Variants in SRGAP1 observed in about 807,000 individuals in gnomAD.
SRGAP1 encodes SLIT-ROBO Rho GTPase-activating protein 1.
Under a neutral mutation model 121.9 loss-of-function variants are expected in SRGAP1, and 43 were observed. The ratio of observed to expected loss-of-function variants is 0.35; its 90% CI spans 0.28 to 0.46. The LOEUF is 0.46. SRGAP1 is among the 20% of genes least tolerant of loss of function. The pLI, the probability that SRGAP1 is intolerant of heterozygous loss-of-function variation, is 1.00. For missense variants in SRGAP1, 1,102 were observed against 1,350.9 expected, an observed-to-expected ratio of 0.82 and a Z score of 2.89; for synonymous variants, 447 against 485.4, an observed-to-expected ratio of 0.92 and a Z score of 1.04.
intron 3 of SRGAP1, among the ~76,000 whole-genome samples, chr12:63,997,518 A>T (rs1355198621): frequency 6.6e-6 from 1 of 152,118 alleles, no homozygotes; most frequent in Non-Finnish European, 1.5e-5. Flanking sequence ...AAAATCTAGA[A>T]GGGTAAATTG....
At position 64,153,203 on chromosome 12, in the gene SRGAP1, TAAAG is replaced by T. The variant is rs563713202; in HGVS notation, c.*10533_*10536del. 22 of 151,948 alleles carry T rather than the reference TAAAG, an allele frequency of 1.4e-4. No homozygotes were observed. The highest frequency in any genetic ancestry group is 6.6e-4 in the Admixed American group (10 of 15,250). The allele number at this position is 151,948 out of a possible 1,614,324, so 9.4% of individuals were successfully genotyped here. Reference sequence around the variant, plus strand: ...GAAAACAGGACCATGCTCACGTGGTTAAAGAGTCAAACACATTCACTGTGACTGT... The same window carrying T: ...GAAAACAGGACCATGCTCACGTGGTTAGTCAAACACATTCACTGTGACTGT... On this transcript the variant is annotated 3_prime_UTR_variant, in exon 22 of 22. Transcript: ENST00000355086.
At chr12:64,039,246 AC>A (rs1374289301) in intron 4 of SRGAP1, among the ~76,000 whole-genome samples, 4 of 152,228 alleles carry the variant, frequency 2.6e-5, no homozygotes, top group Admixed American at 2.6e-4. Flanking sequence ...TCCGGAAATT[AC>A]CACCGAACTA....
Position 64,111,982 on chromosome 12 carries a change from T to A in SRGAP1, c.2140T>A (p.Tyr714Asn). The change falls in exon 17 of 22, where the codon TAT becomes AAT. Residue 714 changes from tyrosine (Y) to asparagine (N), a missense_variant. This residue lies in a region of SRGAP1 where 747 missense variants were observed against 929.4 expected (regional missense o/e 0.80). Transcript: ENST00000355086. ...VYEKCMAGDD[Y>N]CDSPYSEHGT... ...TGAGAAATGTATGGCTGGAGATGAC[T>A]ATTGGTAAGTCTAAGAATTTTAGTC... 1 of 1,612,552 alleles carries A rather than the reference T, an allele frequency of 6.2e-7. No homozygotes were observed. The highest frequency in any genetic ancestry group is 8.5e-7 in the Non-Finnish European group (1 of 1,178,950).
At chr12:64,081,680 A>G (rs1437491847) in intron 10 of SRGAP1, 1 of 151,928 alleles carries the variant, frequency 6.6e-6, no homozygotes, top group Non-Finnish European at 1.5e-5. Flanking sequence ...ATTTTCCTAG[A>G]TATGATAATG....
At chr12:63,988,331 T>C (rs1296240097) in intron 2 of SRGAP1, among the ~76,000 whole-genome samples, 2 of 152,214 alleles carry the variant, frequency 1.3e-5, no homozygotes, top group Non-Finnish European at 2.9e-5. Flanking sequence ...TACCTTGTTA[T>C]ATAGGGCTGG....
rs2037079300 is a variant in SRGAP1, at chr12:64,148,006, GTCCT to G, written c.*5335_*5338del. ...TTTCTTGTTCATTTGGAAATAGGGT[GTCCT>G]GCACAGGGCCCTGCCCATGAAGCTG... On this transcript the variant is annotated 3_prime_UTR_variant, in exon 22 of 22. Coordinates refer to ENST00000355086, the MANE Select transcript of SRGAP1 (RefSeq NM_020762.4). The G allele has an allele frequency of 2.8e-5, 5 of 177,734 alleles. No individual in the cohort carries two copies. Among genetic ancestry groups the G allele is most frequent in the African/African-American group, 1.2e-4 (5 of 42,594 alleles). The allele number at this position is 177,734 out of a possible 1,614,324, so 11.0% of individuals were successfully genotyped here.
At chr12:64,138,989 C>G (rs996037083) in intron 21 of SRGAP1, among the ~76,000 whole-genome samples, 1 of 152,106 alleles carries the variant, frequency 6.6e-6, no homozygotes, top group Non-Finnish European at 1.5e-5. Flanking sequence ...AAATTTAACA[C>G]CATCTAAAAA....
At chr12:63,869,372 T>G (rs991982008) in intron 1 of SRGAP1, among the ~76,000 whole-genome samples, 1 of 152,214 alleles carries the variant, frequency 6.6e-6, no homozygotes, top group East Asian at 1.9e-4. Context: ...TGATCACCTC[T>G]TGAAAGTCCC....
chr12:64,028,469 A>G (rs1036889775), intron 4 of SRGAP1, among the ~76,000 whole-genome samples: 17 of 152,236 alleles, frequency 1.1e-4, no homozygotes, highest in African/African-American at 4.1e-4. Context: ...GATAGGCTAT[A>G]GCTATTGTGG....
At chr12:64,140,076 G>T (rs1324635549) in intron 21 of SRGAP1, among the ~76,000 whole-genome samples, 2 of 148,882 alleles carry the variant, frequency 1.3e-5, no homozygotes, top group Non-Finnish European at 3.0e-5. Flanking sequence ...ATTTCTGAGG[G>T]CTCTGTTCTG....
intron 1 of SRGAP1, among the ~76,000 whole-genome samples, chr12:63,937,155 T>C (rs2031691288): frequency 6.6e-6 from 1 of 152,192 alleles, no homozygotes; most frequent in African/African-American, 2.4e-5. Flanking sequence ...TCAGTGGATG[T>C]TGCACATTGG....
intron 17 of SRGAP1, among the ~76,000 whole-genome samples, chr12:64,112,970 G>A (rs1195324560): frequency 6.6e-6 from 1 of 152,106 alleles, no homozygotes; most frequent in Non-Finnish European, 1.5e-5. Flanking sequence ...GCCAGGTGCA[G>A]TGGCTTGCAC....
intron 1 of SRGAP1, among the ~76,000 whole-genome samples, chr12:63,898,006 T>G (rs902919972): frequency 6.6e-6 from 1 of 152,212 alleles, no homozygotes; most frequent in Non-Finnish European, 1.5e-5. Context: ...TCTCACACCC[T>G]TGGCACAGCT....
chr12:63,983,826 AT>A (rs1565981669), intron 1 of SRGAP1, 120 bp from the exon 2 acceptor site: 3 of 93,654 alleles, frequency 3.2e-5, no homozygotes, highest in Non-Finnish European at 6.2e-5. Flanking sequence ...ATATATATAT[AT>A]ATATATATAT....
Position 63,989,993 on chromosome 12 carries a change from C to T in SRGAP1, c.347C>T (p.Thr116Ile). Residue 116 changes from threonine to isoleucine, a missense_variant, in exon 3 of 22, where the codon ACC becomes ATC. Physicochemically the swap from Thr to Ile is moderately conservative, Grantham distance 89. This residue lies in a region of SRGAP1 where 747 missense variants were observed against 929.4 expected (regional missense o/e 0.80). Transcript: ENST00000355086. ...QVRRESKDHA[T>I]LSDIYLNNVI... ...AGGAGAGAAAGCAAAGACCATGCAACCTTGAGTGACATCTATCTGAACAAT... is the reference window on the plus strand; with the variant it reads ...AGGAGAGAAAGCAAAGACCATGCAATCTTGAGTGACATCTATCTGAACAAT... 1 of 1,613,804 alleles carries T rather than the reference C, an allele frequency of 6.2e-7. No individual in the cohort carries two copies. The highest frequency in any genetic ancestry group is 1.3e-5 in the African/African-American group (1 of 75,002).
intron 1 of SRGAP1, among the ~76,000 whole-genome samples, chr12:63,871,236 G>T (rs766723971): frequency 6.6e-6 from 1 of 152,088 alleles, no homozygotes; most frequent in Non-Finnish European, 1.5e-5. Flanking sequence ...TCAAATCATG[G>T]CTATTTAAAC....
intron 21 of SRGAP1, 26 bp from the exon 22 acceptor site, chr12:64,142,267 TTC>T: frequency 1.9e-6 from 3 of 1,602,800 alleles, no homozygotes; most frequent in Non-Finnish European, 2.6e-6. Flanking sequence ...AGTCTGTGCT[TTC>T]TCTCTTTCCG....
At chr12:64,020,122 G>A (rs930008867) in intron 4 of SRGAP1, among the ~76,000 whole-genome samples, 1 of 152,136 alleles carries the variant, frequency 6.6e-6, no homozygotes, top group Non-Finnish European at 1.5e-5. Flanking sequence ...CACAGCAATT[G>A]TTGATTATTT....
intron 2 of SRGAP1, among the ~76,000 whole-genome samples, chr12:63,985,135 T>C (rs997337809): frequency 1.3e-5 from 2 of 151,862 alleles, no homozygotes; most frequent in South Asian, 4.2e-4. Flanking sequence ...CCAACTGATA[T>C]CTGTTCTGCA....
Sources: allele counts gnomAD v4.1 joint callset (sites outside exome capture counted in the v4.1 genomes callset), GRCh38; gene constraint gnomAD v4.1.1; regional missense constraint gnomAD v4.1.1; transcripts MANE v1.5; gene names NCBI Gene and HGNC (gene_info 2026-07-23, HGNC 2026-07-21).